The following NFATC2 variants were observed in gnomAD, a reference collection of about 807,000 sequenced individuals.
The protein encoded by NFATC2 is nuclear factor of activated T-cells, cytoplasmic 2.
NFATC2 carries 22 observed loss-of-function variants against 87.3 expected under a neutral mutation model. That is an observed-to-expected ratio of 0.25 (90% CI 0.18 to 0.36). The LOEUF is 0.36. NFATC2 is among the 10% of genes least tolerant of loss of function. The pLI, the probability that NFATC2 is intolerant of heterozygous loss-of-function variation, is 1.00. For missense variants in NFATC2, 1,149 were observed against 1,259.1 expected (o/e 0.91, Z 1.32); for synonymous variants, 565 against 542.2 (o/e 1.04, Z -0.58).
At chr20:51,396,034 G>GTATGTA in intron 10 of NFATC2, among the ~76,000 whole-genome samples, 1 of 126,520 alleles carries the variant, frequency 7.9e-6, no homozygotes, top group South Asian at 2.8e-4. Context: ...TCAGCTCCTA[G>GTATGTA]TATGTATATA....
chr20:51,422,678 GCA>G (rs1232973626), intron 9 of NFATC2, among the ~76,000 whole-genome samples: 5 of 151,228 alleles, frequency 3.3e-5, no homozygotes, highest in African/African-American at 9.8e-5. Flanking sequence ...CTTGAAGGCA[GCA>G]CACACCAAAA....
At chr20:51,494,668 A>G (rs1007346959) in intron 3 of NFATC2, among the ~76,000 whole-genome samples, 1 of 152,176 alleles carries the variant, frequency 6.6e-6, no homozygotes, top group African/African-American at 2.4e-5. Flanking sequence ...ATCTCACAGC[A>G]TGGGAGAGGT....
At chr20:51,460,792 T>C (rs1987071019) in intron 5 of NFATC2, among the ~76,000 whole-genome samples, 2 of 152,150 alleles carry the variant, frequency 1.3e-5, no homozygotes, top group Non-Finnish European at 2.9e-5. Flanking sequence ...TGACCCCAGT[T>C]GCCAGTGTTT....
At chr20:51,496,885 A>G (rs922699666) in intron 3 of NFATC2, among the ~76,000 whole-genome samples, 5 of 152,204 alleles carry the variant, frequency 3.3e-5, no homozygotes, top group Admixed American at 2.0e-4. Context: ...CTCTATCCAG[A>G]GTACACAGCT....
chr20:51,488,690 T>G (rs2075826482), intron 3 of NFATC2, among the ~76,000 whole-genome samples: 2 of 152,176 alleles, frequency 1.3e-5, no homozygotes, highest in Non-Finnish European at 2.9e-5. Flanking sequence ...CCTCCCACTT[T>G]TCACGTTCTC....
chr20:51,470,075 C>T (rs535873730), intron 5 of NFATC2, among the ~76,000 whole-genome samples: 3 of 152,226 alleles, frequency 2.0e-5, no homozygotes, highest in South Asian at 2.1e-4. Flanking sequence ...GGAACTGCTC[C>T]GTGCCAAGTG....
In NFATC2 at chr20:51,450,236, C is replaced by T. The variant is rs185840528; in HGVS notation, c.1849+4312G>A. Among the ~76,000 whole-genome samples the T allele has an allele frequency of 1.8e-4, 27 of 152,288 alleles. No homozygotes were observed. In the East Asian group the frequency reaches 3.3e-3, roughly 18 times the overall value. On this transcript the variant is annotated intron_variant, in intron 6 of 10. Transcript: ENST00000371564. The stretch of plus-strand genomic sequence containing the variant: ...ATCAGGGATTTGAACCCAGGCCATC[C>T]GACCTCAGAGCTGTGCTGGTGACCG...
chr20:51,496,420 C>G (rs1224929717), intron 3 of NFATC2, among the ~76,000 whole-genome samples: 1 of 151,952 alleles, frequency 6.6e-6, no homozygotes, highest in Admixed American at 6.6e-5. Flanking sequence ...TCCTTTACAT[C>G]CTGCAACCAC....
chr20:51,503,088 A>G (rs2076117125), intron 3 of NFATC2, among the ~76,000 whole-genome samples: 1 of 152,208 alleles, frequency 6.6e-6, no homozygotes, highest in Non-Finnish European at 1.5e-5. Context: ...TACAACCTCA[A>G]GCACAAACAC....
intron 1 of NFATC2, among the ~76,000 whole-genome samples, chr20:51,540,442 TGAA>T (rs1350753991): frequency 6.6e-6 from 1 of 152,128 alleles, no homozygotes; most frequent in Non-Finnish European, 1.5e-5. Flanking sequence ...CTCAAAACAG[TGAA>T]GGTCACATAA....
intron 9 of NFATC2, among the ~76,000 whole-genome samples, chr20:51,422,344 G>A (rs1413441734): frequency 1.3e-5 from 2 of 152,156 alleles, no homozygotes; most frequent in African/African-American, 4.8e-5. Context: ...TTGTTGCTGA[G>A]GACCAGAACG....
Position 51,391,419 on chromosome 20 carries a change from G to A in NFATC2, c.*77C>T, listed in dbSNP as rs951464356. On this transcript the variant is annotated 3_prime_UTR_variant, in exon 11 of 11. Coordinates refer to ENST00000371564, the MANE Select transcript of NFATC2 (RefSeq NM_012340.5). ...TTTTACGTCTGATTTCTGGCAGGAG[G>A]TCCTGAAAACTCCTTCCTGATAATT... 2 of 1,450,856 alleles carry A rather than the reference G, an allele frequency of 1.4e-6. 1 individual carries two copies. The highest frequency in any genetic ancestry group is 1.9e-6 in the Non-Finnish European group (2 of 1,077,024). 89.9% of individuals were successfully genotyped at this position (1,450,856 alleles called of 1,614,324 possible). A position where few individuals can be genotyped will look rare whatever the true frequency, so the allele number is the denominator to read the frequency against.
intron 3 of NFATC2, among the ~76,000 whole-genome samples, chr20:51,511,382 G>T (rs1053162838): frequency 1.3e-5 from 2 of 152,226 alleles, no homozygotes; most frequent in African/African-American, 4.8e-5. Context: ...GTGGGTGCTT[G>T]CTGGGGCCTC....
intron 9 of NFATC2, among the ~76,000 whole-genome samples, chr20:51,419,080 C>T (rs905433989): frequency 1.3e-5 from 2 of 152,192 alleles, no homozygotes; most frequent in East Asian, 3.8e-4. Flanking sequence ...GTTTCACATG[C>T]TGCTGTGTCC....
chr20:51,501,924 A>G (rs2076095571), intron 3 of NFATC2, among the ~76,000 whole-genome samples: 1 of 152,240 alleles, frequency 6.6e-6, no homozygotes, highest in Non-Finnish European at 1.5e-5. Flanking sequence ...TACAAAAGCA[A>G]CCAGAGACAA....
At position 51,399,436 on chromosome 20, in the gene NFATC2, T is replaced by TCTGAGTCCAATTTCTTAC. The variant is rs1555866925; in HGVS notation, c.2723-724_2723-707dup. On this transcript the variant is annotated intron_variant, in intron 9 of 10. Coordinates refer to ENST00000371564, the MANE Select transcript of NFATC2 (RefSeq NM_012340.5). ...CCAAATGCCTGATTTAGAAATGTTT[T>TCTGAGTCCAATTTCTTAC]CTGAGTCCAATTTCTTACAGGGAAT... Among the ~76,000 whole-genome samples the TCTGAGTCCAATTTCTTAC allele has an allele frequency of 2.3e-4, 35 of 152,366 alleles. No individual in the cohort carries two copies. In the South Asian group the frequency reaches 7.0e-3, roughly 31 times the overall value.
chr20:51,542,443 C>T lies in NFATC2; in HGVS notation c.57G>A (p.Glu19=), dbSNP rs751261172. The part of the protein sequence containing the change: ...QPDGGDAPGH[E]PGGSPQDELD... ...GCTCGTCTTGGGGGCTGCCCCCAGG[C>T]TCGTGGCCTGGGGCGTCCCCGCCGT... Residue 19 remains glutamate (E), a synonymous_variant, in exon 1 of 11, where the codon GAG becomes GAA. Transcript: ENST00000371564. 1 of 1,593,240 alleles carries T rather than the reference C, an allele frequency of 6.3e-7. No homozygotes were observed. The highest frequency in any genetic ancestry group is 1.1e-5 in the South Asian group (1 of 90,248).
chr20:51,509,221 C>T (rs1184075346), intron 3 of NFATC2, among the ~76,000 whole-genome samples: 2 of 152,144 alleles, frequency 1.3e-5, no homozygotes, highest in African/African-American at 2.4e-5. Flanking sequence ...TGATAGTTTT[C>T]CCCATAGGAC....
chr20:51,522,951 AG>A, intron 2 of NFATC2, 129 bp downstream of exon 2: 1 of 1,310,712 alleles, frequency 7.6e-7, no homozygotes, highest in Admixed American at 2.2e-5. Flanking sequence ...GCAACCAGCA[AG>A]GGGCCAAGCC....
Sources: allele counts gnomAD v4.1 joint callset (sites outside exome capture counted in the v4.1 genomes callset), GRCh38; gene constraint gnomAD v4.1.1; transcripts MANE v1.5; gene names NCBI Gene and HGNC (gene_info 2026-07-23, HGNC 2026-07-21).